Variants in FAM184A observed in about 807,000 individuals in gnomAD.
FAM184A encodes the protein protein FAM184A.
In FAM184A, 99 loss-of-function variants were observed where a neutral mutation model predicts 143.8. The ratio of observed to expected loss-of-function variants is 0.69; its 90% CI spans 0.58 to 0.81. The LOEUF is 0.81. FAM184A is among the 40% of genes least tolerant of loss of function. The probability of loss-of-function intolerance (pLI) is 0.00; values close to 1 mark genes in which losing one functional copy is unlikely to be tolerated. For missense variants in FAM184A, 1,217 were observed against 1,310.5 expected, an observed-to-expected ratio of 0.93 and a Z score of 1.10; for synonymous variants, 427 against 446.4, an observed-to-expected ratio of 0.96 and a Z score of 0.55.
At chr6:119,146,086 A>C (rs1772416063) in intron 1 of FAM184A, among the ~76,000 whole-genome samples, 2 of 152,166 alleles carry the variant, frequency 1.3e-5, no homozygotes, top group Admixed American at 1.3e-4. Context: ...TGATTTGTTT[A>C]GTTATGTATT....
chr6:119,087,831 A>G (rs1788260298), intron 1 of FAM184A, among the ~76,000 whole-genome samples: 1 of 152,244 alleles, frequency 6.6e-6, no homozygotes, highest in East Asian at 1.9e-4. Flanking sequence ...ACAGAAGCCA[A>G]AAGATGGAAG....
chr6:119,021,014 A>G (rs915173494), intron 3 of FAM184A, among the ~76,000 whole-genome samples: 4 of 152,170 alleles, frequency 2.6e-5, no homozygotes, highest in African/African-American at 9.7e-5. Context: ...GTCTCATAGA[A>G]AGGATAGTTT....
At chr6:119,058,635 G>T (rs1436201401) in intron 1 of FAM184A, among the ~76,000 whole-genome samples, 2 of 152,134 alleles carry the variant, frequency 1.3e-5, no homozygotes, top group Admixed American at 1.3e-4. Flanking sequence ...TCAGTTTCCG[G>T]AACACTTAGT....
At chr6:119,086,536 G>T (rs958321283) in intron 1 of FAM184A, among the ~76,000 whole-genome samples, 1 of 152,184 alleles carries the variant, frequency 6.6e-6, no homozygotes, top group African/African-American at 2.4e-5. Flanking sequence ...GACGGTAAGG[G>T]CAAAGCCATG....
At chr6:119,065,885 G>A (rs1294055951) in intron 1 of FAM184A, among the ~76,000 whole-genome samples, 1 of 152,102 alleles carries the variant, frequency 6.6e-6, no homozygotes, top group Non-Finnish European at 1.5e-5. Context: ...TCTGCCAAGG[G>A]TGATCTATTT....
intron 9 of FAM184A, among the ~76,000 whole-genome samples, chr6:118,992,734 C>CT (rs2114615110): frequency 6.6e-6 from 1 of 152,178 alleles, no homozygotes; most frequent in Admixed American, 6.5e-5. Context: ...CAAGACCAGC[C>CT]TGGGCAATAA....
At chr6:119,081,167 A>G (rs1331514078), upstream of FAM184A, among the ~76,000 whole-genome samples, 1 of 152,204 alleles carries the variant, frequency 6.6e-6, no homozygotes, top group Non-Finnish European at 1.5e-5. Context: ...GAAGCAAGAC[A>G]CATCCTACAT....
chr6:119,062,370 T>C (rs994515330), intron 1 of FAM184A, among the ~76,000 whole-genome samples: 4 of 151,954 alleles, frequency 2.6e-5, no homozygotes, highest in Admixed American at 6.6e-5. Context: ...GGGCATAAGA[T>C]TGGTTAGTTT....
intron 1 of FAM184A, among the ~76,000 whole-genome samples, chr6:119,044,263 A>C (rs1289405244): frequency 2.6e-5 from 4 of 152,224 alleles, no homozygotes; most frequent in African/African-American, 9.6e-5. Flanking sequence ...TTTAATCTAC[A>C]AAATCTCAAA....
intron 1 of FAM184A, among the ~76,000 whole-genome samples, chr6:119,034,663 A>G (rs1786042769): frequency 2.0e-5 from 3 of 151,378 alleles, no homozygotes; most frequent in Non-Finnish European, 4.4e-5. Flanking sequence ...TCTAGAATGC[A>G]TATATTTTTA....
At chr6:119,111,811 ACTCATGTTT>A (rs896014728) in intron 1 of FAM184A, among the ~76,000 whole-genome samples, 2 of 152,182 alleles carry the variant, frequency 1.3e-5, no homozygotes, top group Non-Finnish European at 2.9e-5. Context: ...AATTTGGGCA[ACTCATGTTT>A]CTCTATAAAA....
At chr6:119,092,685 A>AACATAT (rs112665434) in intron 1 of FAM184A, among the ~76,000 whole-genome samples, 24 of 151,662 alleles carry the variant, frequency 1.6e-4, no homozygotes, top group South Asian at 2.1e-4. Context: ...TTGGAGAGTT[A>AACATAT]ATATATATAT....
chr6:119,010,141 G>C (rs1785046778), intron 6 of FAM184A, among the ~76,000 whole-genome samples: 1 of 152,148 alleles, frequency 6.6e-6, no homozygotes, highest in Non-Finnish European at 1.5e-5. Flanking sequence ...CTTTCTTCCA[G>C]GCAGCAGACT....
intron 1 of FAM184A, among the ~76,000 whole-genome samples, chr6:119,128,617 G>A (rs775012184): frequency 6.6e-6 from 1 of 152,028 alleles, no homozygotes; most frequent in African/African-American, 2.4e-5. Context: ...GGGAATAAAA[G>A]GGTGAGTGGG....
chr6:118,979,287 T>C, intron 11 of FAM184A, 78 bp downstream of exon 11: 1 of 1,371,046 alleles, frequency 7.3e-7, no homozygotes, highest in South Asian at 1.5e-5. Flanking sequence ...AAATAAAACT[T>C]GGTGATTTTA....
At chr6:119,004,503 T>C in intron 7 of FAM184A, among the ~76,000 whole-genome samples, 1 of 152,236 alleles carries the variant, frequency 6.6e-6, no homozygotes, top group East Asian at 1.9e-4. Context: ...ACTGTTCTTT[T>C]CACTAAGTGT....
intron 1 of FAM184A, among the ~76,000 whole-genome samples, chr6:119,140,730 C>T (rs1271291123): frequency 6.6e-6 from 1 of 152,170 alleles, no homozygotes; most frequent in African/African-American, 2.4e-5. Context: ...TTCCCACACT[C>T]CAAGCAGGAA....
intron 1 of FAM184A, among the ~76,000 whole-genome samples, chr6:119,070,412 T>C (rs1226847189): frequency 2.6e-5 from 4 of 152,158 alleles, no homozygotes; most frequent in Non-Finnish European, 4.4e-5. Flanking sequence ...GCAAATATCA[T>C]TGTTTCAAAA....
intron 1 of FAM184A, among the ~76,000 whole-genome samples, chr6:119,071,912 C>A (rs2114789882): frequency 7.8e-6 from 1 of 128,810 alleles, no homozygotes; most frequent in South Asian, 2.6e-4. Flanking sequence ...GTCACTCAGG[C>A]TGGAGTGCAG....
Sources: gnomAD v4.1 joint callset for allele counts (sites outside exome capture counted in the v4.1 genomes callset) on GRCh38, gnomAD v4.1.1 for gene constraint, MANE v1.5 for transcripts, NCBI Gene and HGNC (gene_info 2026-07-23, HGNC 2026-07-21) for gene names.